Variants in FGD5 observed in about 807,000 individuals in gnomAD.
The protein encoded by FGD5 is FYVE, RhoGEF and PH domain-containing protein 5.
Under a neutral mutation model 133.4 loss-of-function variants are expected in FGD5, and 28 were observed. The observed-to-expected ratio is 0.21, with a 90% CI of 0.16 to 0.29. The LOEUF is 0.29. Among genes scored for constraint, FGD5 ranks in the 10% least tolerant of loss-of-function variants. FGD5 has a pLI of 1.00. For synonymous variants in FGD5, 810 were observed against 776.5 expected, an observed-to-expected ratio of 1.04 and a Z score of -0.72; for missense variants, 1,858 against 1,895.2, an observed-to-expected ratio of 0.98 and a Z score of 0.36.
intron 2 of FGD5, among the ~76,000 whole-genome samples, chr3:14,877,302 C>A (rs2037738741): frequency 6.6e-6 from 1 of 152,242 alleles, no homozygotes; most frequent in Non-Finnish European, 1.5e-5. Context: ...ATCGCAGAGT[C>A]ACTGAAGCAG....
chr3:14,854,387 C>CT (rs1040857858), intron 1 of FGD5, among the ~76,000 whole-genome samples: 1 of 134,400 alleles, frequency 7.4e-6, no homozygotes, highest in African/African-American at 2.8e-5. Context: ...TGTTTCTTTT[C>CT]TTTTTATTTA....
Position 14,821,348 on chromosome 3 carries a change from C to G in FGD5, c.2277C>G (p.Thr759=), listed in dbSNP as rs1468410741. ...SRPPFLPLPL[T]KPRSISFPSA... Reference sequence around the variant, plus strand: ...CGCCCTTCCTGCCCTTGCCACTGACCAAGCCACGGTCCATCTCCTTCCCCA... The same window carrying G: ...CGCCCTTCCTGCCCTTGCCACTGACGAAGCCACGGTCCATCTCCTTCCCCA... Residue 759 remains threonine, a synonymous_variant, in exon 1 of 20, where the codon ACC becomes ACG. Transcript: ENST00000285046. The G allele has an allele frequency of 1.9e-6, 3 of 1,613,994 alleles. No individual in the cohort carries two copies. Among genetic ancestry groups the G allele is most frequent in the Non-Finnish European group, 2.5e-6 (3 of 1,179,890 alleles).
chr3:14,932,874 C>T (rs1259808383), intron 19 of FGD5, 143 bp downstream of exon 19: 5 of 1,020,790 alleles, frequency 4.9e-6, no homozygotes, highest in Non-Finnish European at 5.9e-6. Context: ...GCAGAACTAC[C>T]TGTTCTTTGT....
intron 18 of FGD5, among the ~76,000 whole-genome samples, chr3:14,927,973 C>T (rs1159950949): frequency 1.3e-5 from 2 of 148,812 alleles, no homozygotes; most frequent in African/African-American, 5.0e-5. Flanking sequence ...GATGGAGACT[C>T]ACTCTGTCAC....
At chr3:14,894,108 C>T (rs1159617887) in intron 4 of FGD5, among the ~76,000 whole-genome samples, 1 of 152,170 alleles carries the variant, frequency 6.6e-6, no homozygotes, top group African/African-American at 2.4e-5. Flanking sequence ...ATCCTCTCTT[C>T]ATTGCCACCC....
chr3:14,922,394 C>A lies in FGD5; in HGVS notation c.3670-17C>A. ...CTGGCCACATTCCACATTACTCAGC[C>A]AATTCTGTTGCTGCAGATACGAGAG... On this transcript the variant is annotated splice_polypyrimidine_tract_variant and intron_variant, in intron 14 of 19. Coordinates refer to ENST00000285046, the MANE Select transcript of FGD5 (RefSeq NM_152536.4). The surrounding 1 kb of genome is among the most constrained non-coding windows in gnomAD (Gnocchi z 4.1). 6.4e-7 allele frequency: 1 copy of A among 1,560,766 alleles called. No homozygotes were observed. The highest frequency in any genetic ancestry group is 8.7e-7 in the Non-Finnish European group (1 of 1,152,280).
intron 13 of FGD5, among the ~76,000 whole-genome samples, chr3:14,919,308 C>G (rs1043213936): frequency 2.0e-5 from 3 of 152,174 alleles, no homozygotes; most frequent in South Asian, 2.1e-4. Flanking sequence ...GTGTCTTAGT[C>G]CATTCAGGCC....
At chr3:14,844,272 A>ATATATATATATAT (rs2037000632) in intron 1 of FGD5, among the ~76,000 whole-genome samples, 3 of 92,828 alleles carry the variant, frequency 3.2e-5, no homozygotes, top group Admixed American at 1.3e-4. Flanking sequence ...ATATATATAT[A>ATATATATATATAT]ATGCAGGTTT....
chr3:14,905,764 G>A (rs181000224), intron 9 of FGD5, among the ~76,000 whole-genome samples: 37 of 152,190 alleles, frequency 2.4e-4, no homozygotes, highest in Non-Finnish European at 2.9e-5. Context: ...CCTTCTCACT[G>A]TGGTTTGATG....
At chr3:14,921,125 C>T (rs13098111) in intron 13 of FGD5, among the ~76,000 whole-genome samples, 24,757 of 152,260 alleles carry the variant, frequency 0.16, 2,336 homozygotes, top group East Asian at 0.28. Flanking sequence ...TGCCAGTCAC[C>T]TTCCTGCTAG....
In FGD5 at chr3:14,842,602, C is replaced by T. The variant is rs114361755; in HGVS notation, c.2525+21006C>T. Among the ~76,000 whole-genome samples the T allele has an allele frequency of 8.6e-3, 1,307 of 152,312 alleles. 16 individuals carry two copies. Among genetic ancestry groups the T allele is most frequent in the South Asian group, 0.039 (186 of 4,814 alleles). ...GTCCTCCCCAGGGCACACCCTCTCC[C>T]GGAAGACTTTGTGCTATCTGTGGGC... On this transcript the variant is annotated intron_variant, in intron 1 of 19. Coordinates refer to ENST00000285046, the MANE Select transcript of FGD5 (RefSeq NM_152536.4).
rs2038934914 is a variant in FGD5, at chr3:14,933,576, G to T, written c.*409G>T. ...TATCACCTTTCAAAAATTGATTGTG[G>T]TGCCTCAGGTGAAATGAGAAGCTAT... On this transcript the variant is annotated 3_prime_UTR_variant, in exon 20 of 20. Transcript: ENST00000285046. 2 of 189,020 alleles carry T rather than the reference G, an allele frequency of 1.1e-5. No homozygotes were observed. The highest frequency in any genetic ancestry group is 1.1e-4 in the South Asian group (1 of 9,470). 11.7% of individuals were successfully genotyped at this position (189,020 alleles called of 1,614,324 possible).
chr3:14,890,164 T>C (rs2038000245), intron 4 of FGD5, among the ~76,000 whole-genome samples: 1 of 152,158 alleles, frequency 6.6e-6, no homozygotes, highest in Non-Finnish European at 1.5e-5. Flanking sequence ...CTCAGGACCT[T>C]TGCACCTGGC....
chr3:14,907,840 C>T (rs796635438), intron 10 of FGD5, 129 bp downstream of exon 10: 31 of 912,498 alleles, frequency 3.4e-5, no homozygotes, highest in South Asian at 2.5e-4. Context: ...GGCAGGCAGG[C>T]GGGTGGGCGT....
At position 14,873,996 on chromosome 3, in the gene FGD5, A is replaced by G. The variant is rs111426243; in HGVS notation, c.2659-6576A>G. The stretch of plus-strand genomic sequence containing the variant: ...CTTGGCCTCGCAAAGTGCTGGGATT[A>G]CAGGTGTGAGCCACTGCGCCCAGCC... On this transcript the variant is annotated intron_variant, in intron 2 of 19. Coordinates refer to ENST00000285046, the MANE Select transcript of FGD5 (RefSeq NM_152536.4). Among the ~76,000 whole-genome samples, 1,484 of 149,938 alleles carry G rather than the reference A, an allele frequency of 9.9e-3. 28 individuals are homozygous for G. The highest frequency in any genetic ancestry group is 0.034 in the African/African-American group (1,409 of 40,912).
intron 1 of FGD5, among the ~76,000 whole-genome samples, chr3:14,855,662 G>T (rs1354537452): frequency 6.8e-6 from 1 of 147,600 alleles, no homozygotes; most frequent in African/African-American, 2.5e-5. Flanking sequence ...TTTTTTTTTT[G>T]AGAAATGTCT....
chr3:14,834,908 C>T (rs999792176), intron 1 of FGD5, among the ~76,000 whole-genome samples: 1 of 152,168 alleles, frequency 6.6e-6, no homozygotes. Flanking sequence ...CAGCAGACCC[C>T]GCGATCTGCC....
chr3:14,814,846 A>G (rs936536151), upstream of FGD5, among the ~76,000 whole-genome samples: 7 of 152,142 alleles, frequency 4.6e-5, no homozygotes, highest in African/African-American at 1.7e-4. Flanking sequence ...CAGAAACTTC[A>G]GCTTTCTAGT....
chr3:14,907,121 G>T (rs138152380), intron 9 of FGD5, among the ~76,000 whole-genome samples: 6 of 152,348 alleles, frequency 3.9e-5, no homozygotes, highest in African/African-American at 1.2e-4. Context: ...GGCGCTTGTT[G>T]TATCTAGGAT....
Sources: allele counts gnomAD v4.1 joint callset (sites outside exome capture counted in the v4.1 genomes callset), GRCh38; gene constraint gnomAD v4.1.1; non-coding constraint Gnocchi (gnomAD v3.1); transcripts MANE v1.5; gene names NCBI Gene and HGNC (gene_info 2026-07-23, HGNC 2026-07-21).